The following CTNNA3 variants were observed in gnomAD, a reference collection of about 807,000 sequenced individuals.
CTNNA3 encodes catenin alpha-3.
Under a neutral mutation model 95.7 loss-of-function variants are expected in CTNNA3, and 76 were observed. That is an observed-to-expected ratio of 0.79 (90% confidence interval 0.66 to 0.96). The LOEUF (loss-of-function observed/expected upper bound fraction) is 0.96. Among genes scored for constraint, CTNNA3 ranks in the 40% least tolerant of loss-of-function variants. The pLI, the probability that CTNNA3 is intolerant of heterozygous loss-of-function variation, is 0.00. For synonymous variants in CTNNA3, 431 were observed against 374.4 expected, an observed-to-expected ratio of 1.15 and a Z score of -1.74; for missense variants, 1,191 against 1,089.8, an observed-to-expected ratio of 1.09 and a Z score of -1.31.
chr10:67,341,618 C>T (rs1291046965), intron 5 of CTNNA3, among the ~76,000 whole-genome samples: 1 of 152,074 alleles, frequency 6.6e-6, no homozygotes, highest in Non-Finnish European at 1.5e-5. Flanking sequence ...TAAGTTGCTT[C>T]CAAATTTTGT....
intron 5 of CTNNA3, among the ~76,000 whole-genome samples, chr10:67,467,334 C>T (rs187931680): frequency 6.6e-6 from 1 of 152,192 alleles, no homozygotes; most frequent in African/African-American, 2.4e-5. Flanking sequence ...TTTTTTCATG[C>T]TCAATAACCA....
At chr10:67,469,867 C>A (rs1847750920) in intron 5 of CTNNA3, among the ~76,000 whole-genome samples, 1 of 152,086 alleles carries the variant, frequency 6.6e-6, no homozygotes, top group African/African-American at 2.4e-5. Context: ...TTGATACAGG[C>A]ATGTAATGCA....
intron 16 of CTNNA3, among the ~76,000 whole-genome samples, chr10:65,977,812 T>G (rs754497790): frequency 5.3e-5 from 8 of 151,802 alleles, no homozygotes; most frequent in Non-Finnish European, 5.9e-5. Flanking sequence ...AATAAATAAA[T>G]AAATAAAACG....
intron 15 of CTNNA3, among the ~76,000 whole-genome samples, chr10:66,065,240 GTT>G (rs1021425556): frequency 2.0e-5 from 2 of 98,734 alleles, no homozygotes; most frequent in African/African-American, 8.4e-5. Context: ...GTTTTTTTTT[GTT>G]TTGTTTTGTT....
chr10:67,068,499 T>C (rs1008074163), intron 7 of CTNNA3, among the ~76,000 whole-genome samples: 1 of 152,104 alleles, frequency 6.6e-6, no homozygotes, highest in African/African-American at 2.4e-5. Flanking sequence ...AACAGGTGAA[T>C]AGTGAGTGAG....
At chr10:66,260,840 A>T (rs939151051) in intron 13 of CTNNA3, among the ~76,000 whole-genome samples, 1 of 152,112 alleles carries the variant, frequency 6.6e-6, no homozygotes, top group Non-Finnish European at 1.5e-5. Context: ...ACACTTCCAT[A>T]TTCAGAAACT....
intron 13 of CTNNA3, among the ~76,000 whole-genome samples, chr10:66,118,538 C>A (rs2082435802): frequency 6.6e-6 from 1 of 152,174 alleles, no homozygotes; most frequent in Non-Finnish European, 1.5e-5. Flanking sequence ...TTGGAATAAT[C>A]TTTTCTTCCC....
intron 12 of CTNNA3, among the ~76,000 whole-genome samples, chr10:66,310,816 T>A (rs571885834): frequency 1.3e-5 from 2 of 151,984 alleles, no homozygotes; most frequent in East Asian, 3.9e-4. Context: ...CCCAAGTAGC[T>A]GGGACTACAG....
intron 5 of CTNNA3, among the ~76,000 whole-genome samples, chr10:67,340,226 A>G (rs1290699002): frequency 6.6e-6 from 1 of 152,216 alleles, no homozygotes; most frequent in Non-Finnish European, 1.5e-5. Flanking sequence ...GTATTTTTAA[A>G]AGTCAAATTT....
chr10:66,518,561 T>C (rs1911355), intron 11 of CTNNA3, among the ~76,000 whole-genome samples: 50,986 of 151,966 alleles, frequency 0.34, 9,492 homozygotes, highest in East Asian at 0.86. Context: ...ATATGCTTAA[T>C]GTTGTTCATA....
intron 7 of CTNNA3, among the ~76,000 whole-genome samples, chr10:66,847,301 G>A (rs1843315568): frequency 6.6e-6 from 1 of 151,922 alleles, no homozygotes; most frequent in Non-Finnish European, 1.5e-5. Flanking sequence ...GTCTTTTCAG[G>A]GCTATATCTA....
intron 13 of CTNNA3, among the ~76,000 whole-genome samples, chr10:66,191,776 C>A (rs1589686878): frequency 6.6e-6 from 1 of 152,138 alleles, no homozygotes; most frequent in African/African-American, 2.4e-5. Context: ...TCCATAATGG[C>A]CCTTGCTATG....
intron 15 of CTNNA3, among the ~76,000 whole-genome samples, chr10:66,052,702 T>C (rs905143922): frequency 6.6e-6 from 1 of 151,982 alleles, no homozygotes; most frequent in African/African-American, 2.4e-5. Context: ...AAAAAGTCTG[T>C]GGTAGGATTG....
intron 11 of CTNNA3, among the ~76,000 whole-genome samples, chr10:66,389,765 G>A (rs2092922017): frequency 6.8e-6 from 1 of 147,828 alleles, no homozygotes; most frequent in African/African-American, 2.5e-5. Context: ...GAGAGATAAG[G>A]TCTCCTTCTA....
At chr10:67,545,992 A>C (rs763084475) in intron 3 of CTNNA3, among the ~76,000 whole-genome samples, 7 of 152,178 alleles carry the variant, frequency 4.6e-5, no homozygotes, top group Non-Finnish European at 8.8e-5. Flanking sequence ...TGTACAATGT[A>C]TCTATAAACT....
intron 12 of CTNNA3, among the ~76,000 whole-genome samples, chr10:66,292,076 TACAC>T (rs112723652): frequency 5.4e-5 from 8 of 149,400 alleles, no homozygotes; most frequent in African/African-American, 9.8e-5. Flanking sequence ...CATATACAGA[TACAC>T]ACACACACAC....
At chr10:67,238,149 T>C (rs1267208862) in intron 5 of CTNNA3, among the ~76,000 whole-genome samples, 1 of 152,150 alleles carries the variant, frequency 6.6e-6, no homozygotes, top group African/African-American at 2.4e-5. Context: ...CCAAATGTAA[T>C]ATATCAGCAC....
At chr10:66,320,710 T>G (rs907635871) in intron 12 of CTNNA3, among the ~76,000 whole-genome samples, 2 of 152,118 alleles carry the variant, frequency 1.3e-5, no homozygotes, top group African/African-American at 4.8e-5. Flanking sequence ...TATCTTCTAA[T>G]ACATCTGTAA....
intron 7 of CTNNA3, among the ~76,000 whole-genome samples, chr10:66,889,577 C>A: frequency 6.6e-6 from 1 of 151,984 alleles, no homozygotes; most frequent in East Asian, 1.9e-4. Flanking sequence ...ACCGTGGCTC[C>A]TAAGTGGATT....
Sources: gnomAD v4.1 joint callset for allele counts (sites outside exome capture counted in the v4.1 genomes callset) on GRCh38, gnomAD v4.1.1 for gene constraint, MANE v1.5 for transcripts, NCBI Gene and HGNC (gene_info 2026-07-23, HGNC 2026-07-21) for gene names.